Variants in MAP3K20 observed in about 807,000 individuals in gnomAD.
MAP3K20 encodes HCCS-4.
Under a neutral mutation model 85.7 loss-of-function variants are expected in MAP3K20, and 40 were observed. The ratio of observed to expected loss-of-function variants is 0.47; its 90% CI spans 0.36 to 0.61. The LOEUF (loss-of-function observed/expected upper bound fraction) is 0.61. MAP3K20 is among the 20% of genes least tolerant of loss of function. The probability of loss-of-function intolerance (pLI) is 0.00; values close to 1 mark genes in which losing one functional copy is unlikely to be tolerated. For synonymous variants in MAP3K20, 325 were observed against 327.7 expected, an observed-to-expected ratio of 0.99 and a Z score of 0.09; for missense variants, 817 against 961.7, an observed-to-expected ratio of 0.85 and a Z score of 1.99.
chr2:173,249,958 C>G (rs1433201404), intron 16 of MAP3K20, among the ~76,000 whole-genome samples: 2 of 152,280 alleles, frequency 1.3e-5, no homozygotes, highest in East Asian at 3.9e-4. Context: ...TAACAACCCC[C>G]CAAAAGGCAA....
intron 16 of MAP3K20, among the ~76,000 whole-genome samples, chr2:173,258,329 A>T (rs1574164893): frequency 6.6e-6 from 1 of 152,156 alleles, no homozygotes; most frequent in African/African-American, 2.4e-5. Flanking sequence ...GCAATGAGAA[A>T]ATGTTCCTAC....
intron 2 of MAP3K20, among the ~76,000 whole-genome samples, chr2:173,097,062 C>T (rs886442346): frequency 2.6e-5 from 4 of 152,210 alleles, no homozygotes; most frequent in African/African-American, 7.2e-5. Flanking sequence ...ACAAAGAGTT[C>T]ATCAGCTTGA....
chr2:173,133,050 G>A (rs1392708455), intron 2 of MAP3K20, among the ~76,000 whole-genome samples: 2 of 152,170 alleles, frequency 1.3e-5, no homozygotes, highest in African/African-American at 4.8e-5. Flanking sequence ...TTAAGTTGGT[G>A]ATAGAGATAT....
intron 3 of MAP3K20, 27 bp from the exon 4 acceptor site, chr2:173,182,827 A>G (rs1690368275): frequency 1.4e-6 from 2 of 1,458,160 alleles, no homozygotes; most frequent in South Asian, 2.7e-5. Context: ...GATTTTAATT[A>G]TATGCTTATC....
In MAP3K20 at chr2:173,128,916, C is replaced by A. The variant is rs1268259191; in HGVS notation, c.159+37726C>A. On this transcript the variant is annotated intron_variant, in intron 2 of 19. Transcript: ENST00000375213. ...CATTCTTCAGATCAATTTTAGAAAT[C>A]TTTTCTTTTTTTTTTTTTTTTTTTG... Among the ~76,000 whole-genome samples, 4 of 80,062 alleles carry A rather than the reference C, an allele frequency of 5.0e-5. No individual in the cohort carries two copies. In the South Asian group the frequency reaches 1.5e-3, roughly 29 times the overall value. 52.5% of individuals were successfully genotyped at this position (80,062 alleles called of 152,430 possible).
intron 3 of MAP3K20, among the ~76,000 whole-genome samples, chr2:173,180,519 A>C (rs1326878627): frequency 3.9e-5 from 6 of 152,104 alleles, no homozygotes; most frequent in Non-Finnish European, 7.4e-5. Flanking sequence ...CAAAAAATAC[A>C]AATAAAAATT....
chr2:173,155,354 T>A (rs1327394347), intron 2 of MAP3K20, among the ~76,000 whole-genome samples: 1 of 152,214 alleles, frequency 6.6e-6, no homozygotes, highest in Non-Finnish European at 1.5e-5. Flanking sequence ...TTATCTTGTA[T>A]ATTTCTTGAT....
chr2:173,195,396 G>A (rs568008192), intron 7 of MAP3K20, among the ~76,000 whole-genome samples: 15 of 152,236 alleles, frequency 9.9e-5, no homozygotes, highest in Non-Finnish European at 1.5e-4. Flanking sequence ...GAAAAAGTAC[G>A]TAGTCTTTTC....
At chr2:173,235,575 G>A (rs142403706) in intron 14 of MAP3K20, among the ~76,000 whole-genome samples, 2 of 152,332 alleles carry the variant, frequency 1.3e-5, no homozygotes, top group East Asian at 1.9e-4. Context: ...CTGCTAGGGG[G>A]AGGAGGCAAG....
intron 8 of MAP3K20, among the ~76,000 whole-genome samples, chr2:173,200,258 T>C (rs986377551): frequency 2.0e-5 from 3 of 152,236 alleles, no homozygotes; most frequent in Non-Finnish European, 4.4e-5. Flanking sequence ...TATCTTCATT[T>C]CACCTCACAA....
chr2:173,109,662 C>T (rs1687885526), intron 2 of MAP3K20, among the ~76,000 whole-genome samples: 1 of 152,092 alleles, frequency 6.6e-6, no homozygotes, highest in Admixed American at 6.5e-5. Context: ...CCCATTAACT[C>T]TCATTCAGAG....
intron 2 of MAP3K20, chr2:173,160,084 A>C (rs913638900): frequency 2.0e-5 from 3 of 152,198 alleles, no homozygotes; most frequent in Non-Finnish European, 4.4e-5. Context: ...CTTCCAAAGA[A>C]AAGTCTTCAT....
At chr2:173,123,166 A>G (rs977960897) in intron 2 of MAP3K20, among the ~76,000 whole-genome samples, 4 of 152,116 alleles carry the variant, frequency 2.6e-5, no homozygotes, top group South Asian at 2.1e-4. Context: ...CAACCTCATT[A>G]CAAGTTTCAG....
Position 173,239,405 on chromosome 2 carries a change from A to G in MAP3K20, c.1268A>G (p.Asp423Gly), listed in dbSNP as rs2106337629. 5.0e-6 allele frequency: 8 copies of G among 1,610,860 alleles called. No individual in the cohort carries two copies. The highest frequency in any genetic ancestry group is 5.9e-6 in the Non-Finnish European group (7 of 1,179,182). Residue 423 changes from aspartate to glycine, a missense_variant and splice_region_variant, in exon 16 of 20, where the codon GAC becomes GGC. This residue lies in a region of MAP3K20 where 454 missense variants were observed against 476.9 expected (regional missense o/e 0.95). Transcript: ENST00000375213. ...NLFHFPPLIK[D>G]SGGEPEENEE... ...TTGGTGCTTGGTTTCCTGTTTTAGG[A>G]CTCAGGAGGTGAACCTGAAGAAAAT...
rs148737322 is a variant in MAP3K20 at position 173,205,182 on chromosome 2, C to T, written c.744+1312C>T. On this transcript the variant is annotated intron_variant, in intron 9 of 19. Coordinates refer to ENST00000375213, the MANE Select transcript of MAP3K20 (RefSeq NM_016653.3). ...AAAGATTAGAATAAGAGAGCAGTTACACTCAAGAAAGGAACAAAAGTTTTA... is the reference window on the plus strand; with the variant it reads ...AAAGATTAGAATAAGAGAGCAGTTATACTCAAGAAAGGAACAAAAGTTTTA... 9.2e-4 allele frequency among the ~76,000 whole-genome samples: 138 copies of T among 150,022 alleles called. 1 individual carries two copies. Among genetic ancestry groups the T allele is most frequent in the African/African-American group, 1.5e-3 (61 of 40,772 alleles).
intron 16 of MAP3K20, among the ~76,000 whole-genome samples, chr2:173,241,437 A>C (rs1684781827): frequency 6.6e-6 from 1 of 152,116 alleles, no homozygotes; most frequent in East Asian, 1.9e-4. Flanking sequence ...ACACGGTGGA[A>C]TCCCATTGCT....
intron 2 of MAP3K20, among the ~76,000 whole-genome samples, chr2:173,129,551 T>C (rs1472235303): frequency 6.6e-6 from 1 of 152,230 alleles, no homozygotes. Flanking sequence ...GTTTTACATC[T>C]GAAGAAACTG....
intron 2 of MAP3K20, among the ~76,000 whole-genome samples, chr2:173,140,325 A>G (rs1024147251): frequency 1.3e-5 from 2 of 149,322 alleles, no homozygotes; most frequent in Non-Finnish European, 3.0e-5. Context: ...CCTATACTTT[A>G]AAATCATTAG....
chr2:173,229,001 A>AT (rs1398900644), intron 11 of MAP3K20, among the ~76,000 whole-genome samples: 1 of 152,240 alleles, frequency 6.6e-6, no homozygotes, highest in Non-Finnish European at 1.5e-5. Flanking sequence ...AGCATTTATT[A>AT]TTTAGATGGC....
Sources: gnomAD v4.1 joint callset for allele counts (sites outside exome capture counted in the v4.1 genomes callset) on GRCh38, gnomAD v4.1.1 for gene constraint, gnomAD v4.1.1 regional missense constraint, MANE v1.5 for transcripts, NCBI Gene and HGNC (gene_info 2026-07-23, HGNC 2026-07-21) for gene names.